The following CACNA2D3 variants were observed in gnomAD, a reference collection of about 807,000 sequenced individuals.
The protein encoded by CACNA2D3 is calcium voltage-gated channel auxiliary subunit alpha2delta 3, also known as voltage-dependent calcium channel subunit alpha-2/delta-3.
A neutral mutation model predicts 160.6 loss-of-function variants in CACNA2D3; 60 were observed. The observed-to-expected ratio is 0.37, with a 90% CI of 0.30 to 0.46. CACNA2D3 has a LOEUF of 0.46. Among genes scored for constraint, CACNA2D3 ranks in the 20% least tolerant of loss-of-function variants. CACNA2D3 has a pLI of 1.00. For missense variants in CACNA2D3, 1,205 were observed against 1,365.0 expected (o/e 0.88, Z 1.85); for synonymous variants, 558 against 492.9 (o/e 1.13, Z -1.75).
intron 13 of CACNA2D3, among the ~76,000 whole-genome samples, chr3:54,798,841 G>A (rs373273237): frequency 6.6e-6 from 1 of 152,306 alleles, no homozygotes; most frequent in East Asian, 1.9e-4. Context: ...CTGGTCACAT[G>A]TTCTGTCTTG....
intron 8 of CACNA2D3, among the ~76,000 whole-genome samples, chr3:54,577,083 A>G (rs1260717574): frequency 6.6e-6 from 1 of 152,164 alleles, no homozygotes; most frequent in Non-Finnish European, 1.5e-5. Flanking sequence ...AAAAGGCCTT[A>G]TGTTCAGATG....
At chr3:54,338,862 C>T (rs1162267999) in intron 3 of CACNA2D3, among the ~76,000 whole-genome samples, 2 of 152,144 alleles carry the variant, frequency 1.3e-5, no homozygotes, top group African/African-American at 2.4e-5. Context: ...TCTGAACACA[C>T]GCCAAAGCCC....
At chr3:54,428,497 G>T (rs1699941521) in intron 4 of CACNA2D3, among the ~76,000 whole-genome samples, 1 of 152,120 alleles carries the variant, frequency 6.6e-6, no homozygotes, top group South Asian at 2.1e-4. Flanking sequence ...CACCAGTGCA[G>T]CTGCAAGTCC....
intron 2 of CACNA2D3, among the ~76,000 whole-genome samples, chr3:54,125,630 T>C (rs1489454164): frequency 6.6e-6 from 1 of 152,162 alleles, no homozygotes; most frequent in Non-Finnish European, 1.5e-5. Context: ...GAGACTTTCA[T>C]AAGTGGTGGG....
At chr3:55,054,280 A>C (rs1417887890) in intron 35 of CACNA2D3, among the ~76,000 whole-genome samples, 1 of 151,562 alleles carries the variant, frequency 6.6e-6, no homozygotes, top group African/African-American at 2.4e-5. Context: ...TGTTTGTTAG[A>C]CTACTTGGTA....
intron 29 of CACNA2D3, among the ~76,000 whole-genome samples, chr3:54,970,436 TCCCCTCCCCTCCC>T: frequency 9.3e-6 from 1 of 107,910 alleles, no homozygotes; most frequent in Non-Finnish European, 2.0e-5. Context: ...CCTCCTCTCC[TCCCCTCCCCTCCC>T]CTCCTCTCCT....
chr3:54,291,837 C>G (rs1018891389), intron 2 of CACNA2D3, among the ~76,000 whole-genome samples: 1 of 152,118 alleles, frequency 6.6e-6, no homozygotes, highest in Non-Finnish European at 1.5e-5. Flanking sequence ...CTCATTCATT[C>G]AACTATTGAG....
intron 2 of CACNA2D3, among the ~76,000 whole-genome samples, chr3:54,141,352 C>G (rs755415233): frequency 6.6e-6 from 1 of 152,048 alleles, no homozygotes; most frequent in Non-Finnish European, 1.5e-5. Context: ...CATTGAGCTC[C>G]CTGTGTATGT....
chr3:54,409,224 C>CA (rs758154208), intron 4 of CACNA2D3, among the ~76,000 whole-genome samples: 16 of 152,162 alleles, frequency 1.1e-4, no homozygotes, highest in Non-Finnish European at 1.9e-4. Context: ...TGGTAATTCT[C>CA]ACAATATTTC....
chr3:54,497,102 C>A (rs1701214301), intron 4 of CACNA2D3, among the ~76,000 whole-genome samples: 1 of 151,888 alleles, frequency 6.6e-6, no homozygotes, highest in Non-Finnish European at 1.5e-5. Context: ...GTCTCTTTTA[C>A]TTATATGTAA....
Position 54,984,623 on chromosome 3 carries a change from C to G in CACNA2D3, c.2572C>G (p.Leu858Val), listed in dbSNP as rs1702576672. 2 of 1,552,584 alleles carry G rather than the reference C, an allele frequency of 1.3e-6. No homozygotes were observed. The highest frequency in any genetic ancestry group is 1.7e-6 in the Non-Finnish European group (2 of 1,144,108). Residue 858 changes from leucine to valine, a missense_variant, in exon 30 of 38, where the codon CTC becomes GTC. Transcript: ENST00000474759. ...AATTTTCTAGACTGTGAATTGTTACCTCATAGACAATAATGGATTTATTTT... is the reference window on the plus strand; with the variant it reads ...AATTTTCTAGACTGTGAATTGTTACGTCATAGACAATAATGGATTTATTTT... ...SCDDETVNCYLIDNNGFILVS... is the reference protein window; with the variant it reads ...SCDDETVNCYVIDNNGFILVS...
chr3:54,293,587 C>T (rs897695764), intron 2 of CACNA2D3, among the ~76,000 whole-genome samples: 1 of 142,494 alleles, frequency 7.0e-6, no homozygotes, highest in Non-Finnish European at 1.6e-5. Flanking sequence ...ATCAATATAT[C>T]ACATCCATGC....
chr3:54,298,974 GAAGAAGA>G (rs1703408351), intron 2 of CACNA2D3, among the ~76,000 whole-genome samples: 1 of 49,036 alleles, frequency 2.0e-5, no homozygotes, highest in Admixed American at 1.8e-4. Context: ...AAAAAAAAAA[GAAGAAGA>G]AAGAGGAAAG....
intron 35 of CACNA2D3, among the ~76,000 whole-genome samples, chr3:55,038,926 A>C (rs1466745380): frequency 7.7e-6 from 1 of 130,450 alleles, no homozygotes. Context: ...TGAATATATA[A>C]ATATTAACCT....
At chr3:54,629,365 T>C (rs1699185408) in intron 10 of CACNA2D3, among the ~76,000 whole-genome samples, 1 of 152,204 alleles carries the variant, frequency 6.6e-6, no homozygotes, top group Non-Finnish European at 1.5e-5. Context: ...TCAGCTATAC[T>C]GGCCTCTCAA....
rs1447072686 is a variant in CACNA2D3 at position 54,588,730 on chromosome 3, CAA to C, written c.963+6856_963+6857del. On this transcript the variant is annotated intron_variant, in intron 9 of 37. Transcript: ENST00000474759. ...AATTGTTCCAAAGAAATAAGCCTAACAAAACATGTGTATATAGGCTGTATTTG... is the reference window on the plus strand; with the variant it reads ...AATTGTTCCAAAGAAATAAGCCTAACAACATGTGTATATAGGCTGTATTTG... Among the ~76,000 whole-genome samples the C allele has an allele frequency of 1.0e-3, 159 of 151,940 alleles. 2 individuals carry two copies. The highest frequency in any genetic ancestry group is 3.9e-4 in the East Asian group (2 of 5,170).
At chr3:54,252,432 G>A (rs9846140) in intron 2 of CACNA2D3, among the ~76,000 whole-genome samples, 60,561 of 151,976 alleles carry the variant, frequency 0.4, 12,155 homozygotes, top group Non-Finnish European at 0.41. Flanking sequence ...CTTAGCTGAT[G>A]TCCAATAGGT....
chr3:55,073,887 T>G, intron 37 of CACNA2D3, 28 bp downstream of exon 37: 1 of 1,572,850 alleles, frequency 6.4e-7, no homozygotes, highest in Non-Finnish European at 8.7e-7. Context: ...TCCTGTTTCC[T>G]TTTCCCATCA....
In CACNA2D3 at chr3:54,890,497, A is replaced by G. The variant is rs1162479083; in HGVS notation, c.2151-858A>G. 2.8e-5 allele frequency among the ~76,000 whole-genome samples: 4 copies of G among 142,336 alleles called. No individual in the cohort carries two copies. The East Asian group carries it at 7.9e-4, about 28-fold the overall frequency. 93.4% of individuals were successfully genotyped at this position (142,336 alleles called of 152,430 possible). On this transcript the variant is annotated intron_variant, in intron 24 of 37. Coordinates refer to ENST00000474759, the MANE Select transcript of CACNA2D3 (RefSeq NM_018398.3). ...GGTGACAGAGCCAGACTCCGTCTCA[A>G]AAAAAAAAAAAAAAAAAGAAAAAGA...
Sources: allele counts gnomAD v4.1 joint callset (sites outside exome capture counted in the v4.1 genomes callset), GRCh38; gene constraint gnomAD v4.1.1; transcripts MANE v1.5; gene names NCBI Gene and HGNC (gene_info 2026-07-23, HGNC 2026-07-21).